Variants in NICN1 observed in about 807,000 individuals in gnomAD.
NICN1 encodes nicolin-1.
In NICN1, 18 loss-of-function variants were observed where a neutral mutation model predicts 26.3. That is an observed-to-expected ratio of 0.68 (90% confidence interval 0.47 to 1.01). NICN1 has a LOEUF of 1.01. Among genes scored for constraint, NICN1 ranks in the 50% least tolerant of loss-of-function variants. The pLI is 0.00. For missense variants in NICN1, 239 were observed against 278.3 expected (o/e 0.86, Z 1.00); for synonymous variants, 109 against 111.0 (o/e 0.98, Z 0.11).
rs386833686 is a variant in NICN1, at chr3:49,422,391, C to CG, written c.*2441dup. 6.2e-7 allele frequency: 1 copy of CG among 1,613,822 alleles called. No individual in the cohort carries two copies. On this transcript the variant is annotated 3_prime_UTR_variant, in exon 6 of 6. Coordinates refer to ENST00000273598, the MANE Select transcript of NICN1 (RefSeq NM_032316.3). ...CGCAACTAAGTGGACGACACAAGGC[C>CG]GGGGGGAATGCCTGCAGGCGAAAGC...
chr3:49,426,057 C>G (rs930060170), intron 2 of NICN1, 61 bp from the exon 3 acceptor site: 1 of 1,235,320 alleles, frequency 8.1e-7, no homozygotes, highest in East Asian at 2.4e-5. Context: ...GCCTCCCAAC[C>G]AGCAATGAGC....
rs201058670 is a variant in NICN1 at position 49,424,962 on chromosome 3, A to G, written c.587T>C (p.Ile196Thr). ...MIRASHTSARIGRFDVDGCYD... is the reference protein window; with the variant it reads ...MIRASHTSARTGRFDVDGCYD... The stretch of plus-strand genomic sequence containing the variant: ...GCGATTACTTACATCAAAGCGGCCG[A>G]TCCTTGCGGAGGTGTGACTGGCCCG... The change falls in exon 5 of 6, where the codon ATC becomes ACC. Residue 196 changes from isoleucine (I) to threonine (T), a missense_variant. By Grantham distance (89) the Ile-to-Thr change is moderately conservative. Coordinates refer to ENST00000273598, the MANE Select transcript of NICN1 (RefSeq NM_032316.3). The G allele has an allele frequency of 3.1e-6, 5 of 1,614,128 alleles. No homozygotes were observed. Among genetic ancestry groups the G allele is most frequent in the Non-Finnish European group, 8.5e-7 (1 of 1,180,028 alleles).
rs948142317 is a variant in NICN1, at chr3:49,422,875, G to T, written c.*1958C>A. ...AGCCTGGCAGGTAGGCAGCACCACA[G>T]TAGTCTGTCCTCATGTGGACCCCTA... is the stretch of plus-strand genomic sequence containing the variant. On this transcript the variant is annotated 3_prime_UTR_variant, in exon 6 of 6. Coordinates refer to ENST00000273598, the MANE Select transcript of NICN1 (RefSeq NM_032316.3). The T allele has an allele frequency of 1.1e-5, 4 of 353,586 alleles. No homozygotes were observed. Among genetic ancestry groups the T allele is most frequent in the Non-Finnish European group, 2.2e-5 (4 of 179,992 alleles). 21.9% of individuals were successfully genotyped at this position (353,586 alleles called of 1,614,324 possible).
In NICN1 at chr3:49,424,049, C is replaced by CCAGGTTGGT. The variant is rs1413419643; in HGVS notation, c.*775_*783dup. 6.6e-6 allele frequency: 1 copy of CCAGGTTGGT among 152,292 alleles called. No individual in the cohort carries two copies. Among genetic ancestry groups the CCAGGTTGGT allele is most frequent in the African/African-American group, 2.4e-5 (1 of 41,540 alleles). The allele number at this position is 152,292 out of a possible 1,614,324, so 9.4% of individuals were successfully genotyped here. ...TATTTTTAGTAGAGACGGGGTTTCT[C>CCAGGTTGGT]CAGGTTGGTCAGGCTGGTCTTGAAC... On this transcript the variant is annotated 3_prime_UTR_variant, in exon 6 of 6. Transcript: ENST00000273598.
At position 49,422,705 on chromosome 3, in the gene NICN1, C is replaced by T. The variant is rs577999655; in HGVS notation, c.*2128G>A. The T allele has an allele frequency of 6.1e-5, 39 of 638,786 alleles. No homozygotes were observed. The highest frequency in any genetic ancestry group is 5.2e-4 in the African/African-American group (29 of 55,802). 39.6% of individuals were successfully genotyped at this position (638,786 alleles called of 1,614,324 possible). On this transcript the variant is annotated 3_prime_UTR_variant, in exon 6 of 6. Coordinates refer to ENST00000273598, the MANE Select transcript of NICN1 (RefSeq NM_032316.3). Reference sequence around the variant, plus strand: ...GGCAATCCAGAGCTGATTGGGCTGCCCAGAACAAAGCTAGGGGCTAGACCG... The same window carrying T: ...GGCAATCCAGAGCTGATTGGGCTGCTCAGAACAAAGCTAGGGGCTAGACCG...
chr3:49,426,193 C>T, intron 2 of NICN1, 59 bp downstream of exon 2: 1 of 1,542,018 alleles, frequency 6.5e-7, no homozygotes, highest in East Asian at 2.3e-5. Context: ...TGATCCAATC[C>T]CCCCACCTCT....
intron 1 of NICN1, 29 bp downstream of exon 1, chr3:49,429,079 C>A: frequency 6.4e-7 from 1 of 1,559,308 alleles, no homozygotes; most frequent in Non-Finnish European, 8.7e-7. Context: ...CGCCCGGGAG[C>A]CTCGGTCGCG....
In NICN1 at chr3:49,429,040, G is replaced by C. The variant is rs544384904; in HGVS notation, c.132+68C>G. On this transcript the variant is annotated intron_variant, in intron 1 of 5. Coordinates refer to ENST00000273598, the MANE Select transcript of NICN1 (RefSeq NM_032316.3). ...CTTTCCCATAAAAGATTAAATGCCT[G>C]GGAAACGACCGAGATTCCAGGTCGG... The C allele has an allele frequency of 9.5e-4, 1,393 of 1,462,740 alleles. 2 individuals carry two copies. Among genetic ancestry groups the C allele is most frequent in the Non-Finnish European group, 1.2e-3 (1,279 of 1,081,776 alleles). The allele number at this position is 1,462,740 out of a possible 1,614,324, so 90.6% of individuals were successfully genotyped here. A position where few individuals can be genotyped will look rare whatever the true frequency, so the allele number is the denominator to read the frequency against.
At chr3:49,427,060 G>A (rs1264169061) in intron 1 of NICN1, among the ~76,000 whole-genome samples, 1 of 152,170 alleles carries the variant, frequency 6.6e-6, no homozygotes, top group Non-Finnish European at 1.5e-5. Flanking sequence ...GGTGGCTCAA[G>A]CCTGTAATCC....
rs1302697408 is a variant in NICN1 at position 49,424,184 on chromosome 3, G to A, written c.*649C>T. On this transcript the variant is annotated 3_prime_UTR_variant, in exon 6 of 6. Transcript: ENST00000273598. ...TCCCAGTTCTTATGCTCAGGCCCTG[G>A]TTTTGCTAGAGACACGTGCCCAGGC... The A allele has an allele frequency of 6.5e-6, 1 of 154,376 alleles. No individual in the cohort carries two copies. The highest frequency in any genetic ancestry group is 1.4e-5 in the Non-Finnish European group (1 of 69,680). 9.6% of individuals were successfully genotyped at this position (154,376 alleles called of 1,614,324 possible).
chr3:49,427,382 T>C (rs1213889441), intron 1 of NICN1, among the ~76,000 whole-genome samples: 1 of 150,952 alleles, frequency 6.6e-6, no homozygotes, highest in Non-Finnish European at 1.5e-5. Flanking sequence ...TACATCTGTC[T>C]GTAATGCCAG....
At position 49,424,018 on chromosome 3, in the gene NICN1, T is replaced by A. The variant is rs2049147976; in HGVS notation, c.*815A>T. 1 of 151,852 alleles carries A rather than the reference T, an allele frequency of 6.6e-6. No homozygotes were observed. Among genetic ancestry groups the A allele is most frequent in the Non-Finnish European group, 1.5e-5 (1 of 68,008 alleles). The allele number at this position is 151,852 out of a possible 1,614,324, so 9.4% of individuals were successfully genotyped here. ...GTGCCTACCACCACGCCCAGCTAAT[T>A]TTTTGTATTTTTAGTAGAGACGGGG... On this transcript the variant is annotated 3_prime_UTR_variant, in exon 6 of 6. Transcript: ENST00000273598.
At position 49,424,083 on chromosome 3, in the gene NICN1, T is replaced by A. The variant is rs1410928175; in HGVS notation, c.*750A>T. On this transcript the variant is annotated 3_prime_UTR_variant, in exon 6 of 6. Transcript: ENST00000273598. ...TCAGGCTGGTCTTGAACTCCTGACC[T>A]CAGGTGATCCGCCTGCCTGGGCCTC... The A allele has an allele frequency of 6.6e-6, 1 of 152,308 alleles. No homozygotes were observed. Among genetic ancestry groups the A allele is most frequent in the Non-Finnish European group, 1.5e-5 (1 of 68,202 alleles). 9.4% of individuals were successfully genotyped at this position (152,308 alleles called of 1,614,324 possible). A position where few individuals can be genotyped will look rare whatever the true frequency, so the allele number is the denominator to read the frequency against.
chr3:49,425,350 CT>C lies in NICN1; in HGVS notation c.495+16del. ...AGAGCCATTCACACATGGTTCTTAC[CT>C]AGGGTGAGGGCTTACCTCACGGAGG... On this transcript the variant is annotated intron_variant, in intron 4 of 5. Transcript: ENST00000273598. 1.2e-6 allele frequency: 2 copies of C among 1,605,546 alleles called. No homozygotes were observed. Among genetic ancestry groups the C allele is most frequent in the Non-Finnish European group, 1.7e-6 (2 of 1,175,224 alleles).
At position 49,423,814 on chromosome 3, in the gene NICN1, G is replaced by C. The variant is rs1426151140; in HGVS notation, c.*1019C>G. On this transcript the variant is annotated 3_prime_UTR_variant, in exon 6 of 6. Transcript: ENST00000273598. ...GGGAGAAAGGATAGAGATGTGCTTT[G>C]GGCTATGTCAGATGGCAGAAGGGTC... 1 of 151,990 alleles carries C rather than the reference G, an allele frequency of 6.6e-6. No homozygotes were observed. Among genetic ancestry groups the C allele is most frequent in the African/African-American group, 2.4e-5 (1 of 41,388 alleles). The allele number at this position is 151,990 out of a possible 1,614,324, so 9.4% of individuals were successfully genotyped here.
rs768343793 is a variant in NICN1 at position 49,422,473 on chromosome 3, C to T, written c.*2360G>A. 1.2e-5 allele frequency: 20 copies of T among 1,609,624 alleles called. No individual in the cohort carries two copies. Among genetic ancestry groups the T allele is most frequent in the South Asian group, 2.2e-5 (2 of 90,646 alleles). The stretch of plus-strand genomic sequence containing the variant: ...CATCGTCGCCTGCAACGAGTGCAGA[C>T]GGCGCACAGAGGCCACCACACTGCC... On this transcript the variant is annotated 3_prime_UTR_variant, in exon 6 of 6. Transcript: ENST00000273598.
chr3:49,426,509 C>CTTCCTTCTCCCCACCTT (rs2049171408), intron 1 of NICN1, 81 bp from the exon 2 acceptor site: 8 of 981,862 alleles, frequency 8.1e-6, no homozygotes, highest in Non-Finnish European at 1.2e-5. Flanking sequence ...GGTGCCACCT[C>CTTCCTTCTCCCCACCTT]TTCCTTCTCC....
intron 1 of NICN1, among the ~76,000 whole-genome samples, chr3:49,426,695 T>C (rs1039792517): frequency 1.3e-5 from 2 of 152,114 alleles, no homozygotes; most frequent in African/African-American, 2.4e-5. Flanking sequence ...GCCCAGCTAA[T>C]TGTTTTGTAC....
chr3:49,427,955 AGAGAGACAG>A (rs2049188510), intron 1 of NICN1, among the ~76,000 whole-genome samples: 1 of 152,120 alleles, frequency 6.6e-6, no homozygotes, highest in South Asian at 2.1e-4. Flanking sequence ...TCCTGAGACA[AGAGAGACAG>A]GGCTGGGCAC....
Sources: allele counts gnomAD v4.1 joint callset (sites outside exome capture counted in the v4.1 genomes callset), GRCh38; gene constraint gnomAD v4.1.1; transcripts MANE v1.5; gene names NCBI Gene and HGNC (gene_info 2026-07-23, HGNC 2026-07-21).